Variants in R3HDM2 observed in about 807,000 individuals in gnomAD.
The protein encoded by R3HDM2 is R3H domain containing 2.
A neutral mutation model predicts 124.5 loss-of-function variants in R3HDM2; 38 were observed. The ratio of observed to expected loss-of-function variants is 0.31; its 90% CI spans 0.24 to 0.40. The LOEUF (loss-of-function observed/expected upper bound fraction) is 0.40. R3HDM2 is among the 10% of genes least tolerant of loss of function. The probability of loss-of-function intolerance (pLI) is 1.00; values close to 1 mark genes in which losing one functional copy is unlikely to be tolerated. For synonymous variants in R3HDM2, 391 were observed against 448.0 expected (o/e 0.87, Z 1.61); for missense variants, 869 against 1,236.9 (o/e 0.70, Z 4.46).
At chr12:57,370,527 C>T (rs1279531232) in intron 2 of R3HDM2, among the ~76,000 whole-genome samples, 2 of 151,946 alleles carry the variant, frequency 1.3e-5, no homozygotes, top group Non-Finnish European at 2.9e-5. Context: ...GTAATCCCAG[C>T]TACTCGGGAG....
At chr12:57,373,478 G>T (rs776934015) in intron 2 of R3HDM2, among the ~76,000 whole-genome samples, 9 of 151,430 alleles carry the variant, frequency 5.9e-5, no homozygotes, top group African/African-American at 1.9e-4. Context: ...CAGCCTGGGT[G>T]ACAGAGCAAG....
chr12:57,427,556 GC>G (rs898166267), intron 1 of R3HDM2, among the ~76,000 whole-genome samples: 33 of 151,036 alleles, frequency 2.2e-4, no homozygotes, highest in African/African-American at 7.7e-4. Context: ...CACCATGTTG[GC>G]CAGGCTGGTC....
intron 2 of R3HDM2, among the ~76,000 whole-genome samples, chr12:57,311,858 C>T (rs1221875757): frequency 6.6e-6 from 1 of 152,178 alleles, no homozygotes; most frequent in African/African-American, 2.4e-5. Flanking sequence ...ATGGCTGCTT[C>T]TTTATCACTT....
intron 1 of R3HDM2, among the ~76,000 whole-genome samples, chr12:57,408,911 T>TA (rs1330195660): frequency 6.6e-6 from 1 of 152,096 alleles, no homozygotes; most frequent in Non-Finnish European, 1.5e-5. Context: ...TACTAATCTT[T>TA]AAAGCCTAGT....
chr12:57,317,222 A>C (rs1333192384), intron 2 of R3HDM2, among the ~76,000 whole-genome samples: 29 of 145,950 alleles, frequency 2.0e-4, no homozygotes, highest in African/African-American at 7.1e-4. Context: ...TTTTTTTTTG[A>C]GACAGGGTCT....
At chr12:57,273,970 T>C (rs910900233) in intron 14 of R3HDM2, among the ~76,000 whole-genome samples, 8 of 152,216 alleles carry the variant, frequency 5.3e-5, no homozygotes, top group African/African-American at 1.9e-4. Flanking sequence ...GTTGCTGCTG[T>C]AGCCTTGAAA....
intron 2 of R3HDM2, among the ~76,000 whole-genome samples, chr12:57,339,108 C>A (rs1190602812): frequency 6.6e-6 from 1 of 152,000 alleles, no homozygotes; most frequent in Non-Finnish European, 1.5e-5. Flanking sequence ...CGGTTCACTG[C>A]AACCTCTGCC....
intron 3 of R3HDM2, among the ~76,000 whole-genome samples, chr12:57,309,288 C>T (rs548537584): frequency 3.9e-5 from 6 of 152,154 alleles, no homozygotes; most frequent in Non-Finnish European, 8.8e-5. Context: ...AACCAGTTTT[C>T]ACCCCTGGGC....
chr12:57,383,688 C>G (rs1462758928), intron 2 of R3HDM2, among the ~76,000 whole-genome samples: 2 of 151,960 alleles, frequency 1.3e-5, no homozygotes, highest in Non-Finnish European at 2.9e-5. Context: ...GGTAACAGAG[C>G]GAGACTCCGT....
At chr12:57,305,107 C>T (rs1425886870) in intron 3 of R3HDM2, among the ~76,000 whole-genome samples, 4 of 152,172 alleles carry the variant, frequency 2.6e-5, no homozygotes, top group Admixed American at 6.5e-5. Context: ...ATTGCTTGAA[C>T]TTGGGAGGTG....
chr12:57,276,343 G>A (rs535713231), intron 14 of R3HDM2, among the ~76,000 whole-genome samples: 1 of 152,158 alleles, frequency 6.6e-6, no homozygotes, highest in South Asian at 2.1e-4. Flanking sequence ...ATAGCAGCAC[G>A]ATTCACAATT....
At chr12:57,329,767 A>G (rs201493786) in intron 2 of R3HDM2, among the ~76,000 whole-genome samples, 2 of 120,030 alleles carry the variant, frequency 1.7e-5, no homozygotes, top group South Asian at 2.9e-4. Flanking sequence ...AAAAGAAAAA[A>G]AAAGAACAAC....
rs1257422857 is a variant in R3HDM2 at position 57,254,454 on chromosome 12, T to C, written c.*319A>G. ...AGCTGGAGGTTGCAGTTAGCCAAGA[T>C]CGTGCTACTGCACTCCAGCTGGGGT... On this transcript the variant is annotated 3_prime_UTR_variant, in exon 24 of 24. Transcript: ENST00000402412. The C allele has an allele frequency of 9.4e-6, 3 of 320,402 alleles. No individual in the cohort carries two copies. In the East Asian group the frequency reaches 2.9e-4, roughly 31 times the overall value. The allele number at this position is 320,402 out of a possible 1,614,324, so 19.8% of individuals were successfully genotyped here.
intron 1 of R3HDM2, among the ~76,000 whole-genome samples, chr12:57,401,441 A>T (rs1182045823): frequency 6.6e-6 from 1 of 152,234 alleles, no homozygotes; most frequent in Non-Finnish European, 1.5e-5. Flanking sequence ...ATCCAGGTCC[A>T]ACCAGCCCCT....
chr12:57,349,837 G>A (rs2060496614), intron 2 of R3HDM2, among the ~76,000 whole-genome samples: 3 of 150,720 alleles, frequency 2.0e-5, no homozygotes, highest in Non-Finnish European at 3.0e-5. Flanking sequence ...TGGGATTACA[G>A]GCGTGAGCCA....
chr12:57,292,514 G>T, intron 11 of R3HDM2, 58 bp downstream of exon 11: 3 of 1,208,498 alleles, frequency 2.5e-6, no homozygotes, highest in Admixed American at 2.0e-5. Flanking sequence ...TCCATTCACA[G>T]TTCCAATGAT....
At chr12:57,421,445 C>T (rs12369598) in intron 1 of R3HDM2, among the ~76,000 whole-genome samples, 66,031 of 140,688 alleles carry the variant, frequency 0.47, 15,943 homozygotes, top group Middle Eastern at 0.81. Flanking sequence ...CGACCACACC[C>T]AGCTCTTTTT....
Position 57,254,628 on chromosome 12 carries a change from G to C in R3HDM2, c.*145C>G. 1.4e-6 allele frequency: 1 copy of C among 715,048 alleles called. No homozygotes were observed. The highest frequency in any genetic ancestry group is 2.2e-6 in the Non-Finnish European group (1 of 452,648). 44.3% of individuals were successfully genotyped at this position (715,048 alleles called of 1,614,324 possible). A position where few individuals can be genotyped will look rare whatever the true frequency, so the allele number is the denominator to read the frequency against. ...GAGTCCAATGCCAGTGTAGGTATCTGTGTTTCCATCTTCATCACTGTCTTA... is the reference window on the plus strand; with the variant it reads ...GAGTCCAATGCCAGTGTAGGTATCTCTGTTTCCATCTTCATCACTGTCTTA... On this transcript the variant is annotated 3_prime_UTR_variant, in exon 24 of 24. Coordinates refer to ENST00000402412, the MANE Select transcript of R3HDM2 (RefSeq NM_001394031.1).
intron 2 of R3HDM2, among the ~76,000 whole-genome samples, chr12:57,384,750 C>T (rs890817244): frequency 1.3e-5 from 2 of 152,106 alleles, no homozygotes; most frequent in Non-Finnish European, 2.9e-5. Flanking sequence ...AAAGGAGTTA[C>T]ATCATCAGAT....
Sources: allele counts gnomAD v4.1 joint callset (sites outside exome capture counted in the v4.1 genomes callset), GRCh38; gene constraint gnomAD v4.1.1; transcripts MANE v1.5; gene names NCBI Gene and HGNC (gene_info 2026-07-23, HGNC 2026-07-21).